The following ECE1 variants were observed in gnomAD, a reference collection of about 807,000 sequenced individuals.
ECE1 encodes endothelin-converting enzyme 1.
In ECE1, 35 loss-of-function variants were observed where a neutral mutation model predicts 98.6. The ratio of observed to expected loss-of-function variants is 0.35; its 90% CI spans 0.27 to 0.47. The LOEUF (loss-of-function observed/expected upper bound fraction) is 0.47. Among genes scored for constraint, ECE1 ranks in the 20% least tolerant of loss-of-function variants. The pLI, the probability that ECE1 is intolerant of heterozygous loss-of-function variation, is 1.00. For missense variants in ECE1, 814 were observed against 1,025.3 expected, an observed-to-expected ratio of 0.79 and a Z score of 2.81; for synonymous variants, 394 against 407.1, an observed-to-expected ratio of 0.97 and a Z score of 0.39.
At chr1:21,243,538 G>T (rs550574938) in intron 10 of ECE1, among the ~76,000 whole-genome samples, 1 of 152,206 alleles carries the variant, frequency 6.6e-6, no homozygotes, top group East Asian at 1.9e-4. Context: ...TTCTTGCTGG[G>T]TGACTATGAA....
At chr1:21,306,140 T>A (rs538727403) in intron 1 of ECE1, among the ~76,000 whole-genome samples, 1 of 152,348 alleles carries the variant, frequency 6.6e-6, no homozygotes, top group East Asian at 1.9e-4. Flanking sequence ...ATTATGTACC[T>A]ACTATGTGCC....
chr1:21,243,214 G>T (rs1227759278), intron 10 of ECE1, among the ~76,000 whole-genome samples: 1 of 152,052 alleles, frequency 6.6e-6, no homozygotes, highest in Non-Finnish European at 1.5e-5. Context: ...AATGGAAGAG[G>T]ATAACAGCGG....
intron 16 of ECE1, among the ~76,000 whole-genome samples, chr1:21,226,495 A>T (rs886463757): frequency 6.6e-6 from 1 of 152,178 alleles, no homozygotes; most frequent in Non-Finnish European, 1.5e-5. Flanking sequence ...GACCCTTAGA[A>T]GTGAAGGATG....
In ECE1 at chr1:21,327,871, C is replaced by T. The variant is rs547779397; in HGVS notation, c.3+17505G>A. Among the ~76,000 whole-genome samples the T allele has an allele frequency of 7.2e-5, 11 of 152,298 alleles. No individual in the cohort carries two copies. The highest frequency in any genetic ancestry group is 5.8e-4 in the East Asian group (3 of 5,172). On this transcript the variant is annotated intron_variant, in intron 1 of 18. Transcript: ENST00000415912. The surrounding 1 kb of genome is among the most constrained non-coding windows in gnomAD (Gnocchi z 4.6). The stretch of plus-strand genomic sequence containing the variant: ...CGGTGGCATTAGATTCTCGTAGGAG[C>T]GCGAACCCTATTGTGAACTGCACGT...
At chr1:21,232,288 GTTT>G (rs1179108389) in intron 14 of ECE1, among the ~76,000 whole-genome samples, 2 of 147,612 alleles carry the variant, frequency 1.4e-5, no homozygotes, top group African/African-American at 5.0e-5. Context: ...TGAGGAGACA[GTTT>G]TTTTTTTTCT....
chr1:21,263,081 G>A (rs1259714947), intron 4 of ECE1, among the ~76,000 whole-genome samples: 1 of 152,184 alleles, frequency 6.6e-6, no homozygotes, highest in African/African-American at 2.4e-5. Flanking sequence ...GGGAAGCCAA[G>A]CAAGGCCCCG....
At chr1:21,329,296 C>T (rs989077772) in intron 1 of ECE1, among the ~76,000 whole-genome samples, 1 of 152,180 alleles carries the variant, frequency 6.6e-6, no homozygotes, top group Non-Finnish European at 1.5e-5. Flanking sequence ...TTGAGAAGCA[C>T]TGAAATCAAT....
At chr1:21,237,647 C>A (rs1230311207) in intron 11 of ECE1, among the ~76,000 whole-genome samples, 2 of 152,212 alleles carry the variant, frequency 1.3e-5, no homozygotes, top group Non-Finnish European at 2.9e-5. Flanking sequence ...GGAATGCCCC[C>A]GTCTCCACAT....
intron 8 of ECE1, among the ~76,000 whole-genome samples, chr1:21,252,718 C>T (rs773129435): frequency 2.6e-5 from 4 of 152,218 alleles, no homozygotes; most frequent in Admixed American, 6.5e-5. Context: ...TGAAACCTGG[C>T]GTGCTTTTCC....
intron 1 of ECE1, among the ~76,000 whole-genome samples, chr1:21,334,678 G>T (rs1224318864): frequency 6.6e-6 from 1 of 152,172 alleles, no homozygotes; most frequent in African/African-American, 2.4e-5. Context: ...AGGCTGAGTT[G>T]AAGTGGAGGT....
In ECE1 at chr1:21,290,020, TGCCCGG is replaced by T; in HGVS notation, c.138+44_138+49del. The T allele has an allele frequency of 9.1e-7, 1 of 1,096,210 alleles. No individual in the cohort carries two copies. Among genetic ancestry groups the T allele is most frequent in the Non-Finnish European group, 1.1e-6 (1 of 886,590 alleles). 67.9% of individuals were successfully genotyped at this position (1,096,210 alleles called of 1,614,324 possible). On this transcript the variant is annotated intron_variant, in intron 2 of 18. Transcript: ENST00000374893. This position sits in a 1 kb window ranked among gnomAD's most constrained non-coding sequence, Gnocchi z 7.3. The stretch of plus-strand genomic sequence containing the variant: ...GGGGGCGCGGCAGCGGCAGCGCGCA[TGCCCGG>T]GCCCGGGGCGCCTGGACCTCGGGAG...
rs1179198386 is a variant in ECE1 at position 21,235,745 on chromosome 1, T to C, written c.1566+105A>G. 5 of 1,186,054 alleles carry C rather than the reference T, an allele frequency of 4.2e-6. No individual in the cohort carries two copies. The East Asian group carries it at 9.3e-5, about 22-fold the overall frequency. The allele number at this position is 1,186,054 out of a possible 1,614,324, so 73.5% of individuals were successfully genotyped here. A position where few individuals can be genotyped will look rare whatever the true frequency, so the allele number is the denominator to read the frequency against. On this transcript the variant is annotated intron_variant, in intron 13 of 18. Coordinates refer to ENST00000374893, the MANE Select transcript of ECE1 (RefSeq NM_001397.3). This position sits in a 1 kb window ranked among gnomAD's most constrained non-coding sequence, Gnocchi z 4.2. Reference sequence around the variant, plus strand: ...CACACCACATCATCCCTGTGTGTTTTGACAACCATGCTGCCTCTAGCACCC... The same window carrying C: ...CACACCACATCATCCCTGTGTGTTTCGACAACCATGCTGCCTCTAGCACCC...
At chr1:21,257,794 C>CG (rs1553359405) in intron 6 of ECE1, among the ~76,000 whole-genome samples, 2,087 of 152,138 alleles carry the variant, frequency 0.014, 24 homozygotes, top group East Asian at 0.028. Context: ...GGCCCCCCCC[C>CG]GCAGGGCTCC....
intron 1 of ECE1, among the ~76,000 whole-genome samples, chr1:21,323,253 A>G (rs982537529): frequency 2.6e-5 from 4 of 152,160 alleles, no homozygotes; most frequent in African/African-American, 9.7e-5. Flanking sequence ...TAGGTGGAGA[A>G]AGGCCCTAGC....
chr1:21,334,548 T>G (rs901859125), intron 1 of ECE1, among the ~76,000 whole-genome samples: 1 of 152,134 alleles, frequency 6.6e-6, no homozygotes, highest in Non-Finnish European at 1.5e-5. Context: ...CTCGGCAGGG[T>G]GTGCGGAAGC....
intron 1 of ECE1, among the ~76,000 whole-genome samples, chr1:21,318,414 G>A (rs571267196): frequency 6.6e-6 from 1 of 152,118 alleles, no homozygotes; most frequent in East Asian, 1.9e-4. Flanking sequence ...GCCCTTTCCT[G>A]ACCCTGTCCC....
At chr1:21,223,623 G>A (rs1258448887) in intron 17 of ECE1, among the ~76,000 whole-genome samples, 2 of 152,004 alleles carry the variant, frequency 1.3e-5, no homozygotes, top group South Asian at 2.1e-4. Flanking sequence ...CTGCCACCAC[G>A]CCTGGCTAAT....
Position 21,225,427 on chromosome 1 carries a change from G to A in ECE1, c.1863C>T (p.Asp621=), listed in dbSNP as rs767154016. 19 of 1,614,142 alleles carry A rather than the reference G, an allele frequency of 1.2e-5. No homozygotes were observed. The South Asian group carries it at 2.1e-4, about 18-fold the overall frequency. The change falls in exon 17 of 19, where the codon GAC becomes GAT. Residue 621 remains aspartate (D), a synonymous_variant. Transcript: ENST00000374893. This position sits in a 1 kb window ranked among gnomAD's most constrained non-coding sequence, Gnocchi z 5.3. ...HAFDDQGREY[D]KDGNLRPWWK... ...ACCATGGCCGGAGGTTCCCGTCCTT[G>A]TCATACTCCCGTCCTGTGGGTCAGA...
chr1:21,257,497 C>G (rs1462087193), intron 7 of ECE1, 28 bp downstream of exon 7: 1 of 1,613,202 alleles, frequency 6.2e-7, no homozygotes, highest in Non-Finnish European at 8.5e-7. Context: ...TGCTGGGAGG[C>G]AGGCTGGGAG....
Sources: gnomAD v4.1 joint callset for allele counts (sites outside exome capture counted in the v4.1 genomes callset) on GRCh38, gnomAD v4.1.1 for gene constraint, Gnocchi (gnomAD v3.1) non-coding constraint, MANE v1.5 for transcripts, NCBI Gene and HGNC (gene_info 2026-07-23, HGNC 2026-07-21) for gene names.